Variants in CPS1 observed in about 807,000 individuals in gnomAD.
CPS1 encodes the protein carbamoyl-phosphate synthase [ammonia], mitochondrial.
A neutral mutation model predicts 174.6 loss-of-function variants in CPS1; 109 were observed. That is an observed-to-expected ratio of 0.62 (90% CI 0.53 to 0.73). The LOEUF (loss-of-function observed/expected upper bound fraction) is 0.73. Among genes scored for constraint, CPS1 ranks in the 30% least tolerant of loss-of-function variants. CPS1 has a pLI of 0.00. For missense variants in CPS1, 1,689 were observed against 1,821.9 expected (o/e 0.93, Z 1.33); for synonymous variants, 637 against 632.0 (o/e 1.01, Z -0.12).
At chr2:210,654,404 C>T (rs1700647203) in intron 29 of CPS1, among the ~76,000 whole-genome samples, 2 of 151,966 alleles carry the variant, frequency 1.3e-5, no homozygotes, top group Admixed American at 6.6e-5. Flanking sequence ...TGTGTCTTTC[C>T]TTTTATGTTT....
chr2:210,597,661 T>C (rs1698534511), intron 13 of CPS1, among the ~76,000 whole-genome samples: 1 of 151,878 alleles, frequency 6.6e-6, no homozygotes, highest in Admixed American at 6.6e-5. Flanking sequence ...CATGCTAATG[T>C]ATGAAATAAT....
chr2:210,551,898 A>G (rs1427578617), upstream of CPS1, among the ~76,000 whole-genome samples: 1 of 151,932 alleles, frequency 6.6e-6, no homozygotes, highest in East Asian at 1.9e-4. Context: ...GTTTTCAAAC[A>G]ACTTTAAGTC....
At chr2:210,516,561 TA>T (rs1469520550) in intron 1 of CPS1, among the ~76,000 whole-genome samples, 1 of 151,944 alleles carries the variant, frequency 6.6e-6, no homozygotes, top group African/African-American at 2.4e-5. Flanking sequence ...TATCTGATCA[TA>T]TTACTTCTCT....
At chr2:210,572,641 G>A (rs956993097) in intron 1 of CPS1, among the ~76,000 whole-genome samples, 8 of 152,020 alleles carry the variant, frequency 5.3e-5, no homozygotes, top group Non-Finnish European at 1.2e-4. Context: ...AGAGAAGGAA[G>A]TAGACATGGA....
intron 1 of CPS1, among the ~76,000 whole-genome samples, chr2:210,501,714 T>A (rs751852820): frequency 3.3e-5 from 5 of 152,168 alleles, no homozygotes; most frequent in Non-Finnish European, 7.4e-5. Context: ...AGCATTTTAG[T>A]CAAAACCATT....
In CPS1 at chr2:210,637,810, GT is replaced by G. The variant is rs1179151808; in HGVS notation, c.2798del (p.Leu933Ter). ...CTGAGGCCCAGACAAGGGAGCTGAGGTTAAAGAAAAACATCCACCCTTGGGT... is the reference window on the plus strand; with the variant it reads ...CTGAGGCCCAGACAAGGGAGCTGAGGTAAAGAAAAACATCCACCCTTGGGT... ...LTEAQTRELR[L>X]KKNIHPWVKQ... On this transcript the variant is annotated frameshift_variant, in exon 22 of 38. Transcript: ENST00000233072. LOFTEE classifies it high-confidence loss of function. The G allele has an allele frequency of 2.5e-6, 4 of 1,613,990 alleles. No individual in the cohort carries two copies. In the East Asian group the frequency reaches 8.9e-5, roughly 36 times the overall value.
intron 1 of CPS1, among the ~76,000 whole-genome samples, chr2:210,501,134 A>C (rs947964870): frequency 1.3e-5 from 2 of 152,064 alleles, no homozygotes; most frequent in East Asian, 3.9e-4. Flanking sequence ...ACAGAGCACC[A>C]AGTCTCTAGG....
In CPS1 at chr2:210,576,503, G is replaced by A. The variant is rs769184520; in HGVS notation, c.381+13G>A. The A allele has an allele frequency of 6.2e-7, 1 of 1,613,284 alleles. No individual in the cohort carries two copies. The highest frequency in any genetic ancestry group is 8.5e-7 in the Non-Finnish European group (1 of 1,179,362). Reference sequence around the variant, plus strand: ...TAATGGAATCAAGGTAGTACCAGTGGTGGCCATTTAAAAAGTCTCAATTTG... The same window carrying A: ...TAATGGAATCAAGGTAGTACCAGTGATGGCCATTTAAAAAGTCTCAATTTG... On this transcript the variant is annotated intron_variant, in intron 3 of 37. Coordinates refer to ENST00000233072, the MANE Select transcript of CPS1 (RefSeq NM_001875.5).
rs374819118 is a variant in CPS1 at position 210,616,884 on chromosome 2, T to C, written c.2687+343T>C. Reference sequence around the variant, plus strand: ...TCTAGATTTAAATTTTATTAATCAATTAAATGAATATTTGTTTTCTATAAA... The same window carrying C: ...TCTAGATTTAAATTTTATTAATCAACTAAATGAATATTTGTTTTCTATAAA... On this transcript the variant is annotated intron_variant, in intron 21 of 37. Coordinates refer to ENST00000233072, the MANE Select transcript of CPS1 (RefSeq NM_001875.5). 5.9e-5 allele frequency among the ~76,000 whole-genome samples: 9 copies of C among 152,140 alleles called. No homozygotes were observed. In the East Asian group the frequency reaches 1.7e-3, roughly 30 times the overall value.
intron 1 of CPS1, among the ~76,000 whole-genome samples, chr2:210,564,646 G>A (rs1169573137): frequency 6.6e-6 from 1 of 152,138 alleles, no homozygotes; most frequent in Admixed American, 6.5e-5. Flanking sequence ...AAAGTGCTGG[G>A]ATTACAGGCG....
At chr2:210,656,503 C>CT (rs58225253) in intron 29 of CPS1, 22 bp from the exon 30 acceptor site, 550 of 1,250,106 alleles carry the variant, frequency 4.4e-4, no homozygotes, top group African/African-American at 1.3e-3. Context: ...TTCTAAAATC[C>CT]TTTTTTTTTT....
intron 19 of CPS1, 63 bp downstream of exon 19, chr2:210,608,622 C>T (rs1699008408): frequency 6.6e-7 from 1 of 1,521,590 alleles, no homozygotes; most frequent in South Asian, 1.1e-5. Flanking sequence ...ATTTGTGACA[C>T]CATTGACAGT....
intron 1 of CPS1, among the ~76,000 whole-genome samples, chr2:210,509,007 G>A (rs950491125): frequency 3.3e-5 from 5 of 152,052 alleles, no homozygotes; most frequent in African/African-American, 1.2e-4. Flanking sequence ...AGAAAAAGAG[G>A]GAATCCTCCC....
intron 20 of CPS1, among the ~76,000 whole-genome samples, chr2:210,614,446 C>G (rs1482097427): frequency 1.3e-5 from 2 of 151,932 alleles, no homozygotes; most frequent in Non-Finnish European, 2.9e-5. Flanking sequence ...AATGGTATTT[C>G]TGGATCTAGA....
intron 28 of CPS1, among the ~76,000 whole-genome samples, chr2:210,653,447 T>A (rs1265406119): frequency 6.6e-6 from 1 of 152,134 alleles, no homozygotes; most frequent in Non-Finnish European, 1.5e-5. Flanking sequence ...ATAAAAATAC[T>A]TGATTTTACA....
intron 1 of CPS1, among the ~76,000 whole-genome samples, chr2:210,495,007 CTG>C (rs1694957340): frequency 6.6e-6 from 1 of 152,150 alleles, no homozygotes; most frequent in Admixed American, 6.5e-5. Context: ...GGGTGGGGTT[CTG>C]TCTTTGGTAT....
At chr2:210,613,988 G>A (rs1461268176) in intron 20 of CPS1, among the ~76,000 whole-genome samples, 2 of 151,906 alleles carry the variant, frequency 1.3e-5, no homozygotes, top group Non-Finnish European at 2.9e-5. Flanking sequence ...AAAGAATGAA[G>A]GGAGTGTGTA....
At chr2:210,527,247 A>C (rs1032875058) in intron 1 of CPS1, among the ~76,000 whole-genome samples, 36 of 151,976 alleles carry the variant, frequency 2.4e-4, no homozygotes, top group Non-Finnish European at 1.6e-4. Flanking sequence ...GGCCAGTCAC[A>C]TACATTTCTT....
chr2:210,490,087 A>T (rs907198940), intron 1 of CPS1, among the ~76,000 whole-genome samples: 1 of 139,650 alleles, frequency 7.2e-6, no homozygotes, highest in African/African-American at 2.5e-5. Flanking sequence ...AAGGATGAAG[A>T]AAGAAATAAA....
Sources: gnomAD v4.1 joint callset for allele counts (sites outside exome capture counted in the v4.1 genomes callset) on GRCh38, gnomAD v4.1.1 for gene constraint, MANE v1.5 for transcripts, NCBI Gene and HGNC (gene_info 2026-07-23, HGNC 2026-07-21) for gene names.